AHR: variants seen among roughly 807,000 people sequenced by gnomAD.
AHR encodes AH-receptor.
In AHR, 40 loss-of-function variants were observed where a neutral mutation model predicts 86.8. That is an observed-to-expected ratio of 0.46 (90% CI 0.36 to 0.60). AHR has a LOEUF of 0.60. AHR is among the 20% of genes least tolerant of loss of function. The probability of loss-of-function intolerance (pLI) is 0.00; values close to 1 mark genes in which losing one functional copy is unlikely to be tolerated. For synonymous variants in AHR, 398 were observed against 354.9 expected, an observed-to-expected ratio of 1.12 and a Z score of -1.37; for missense variants, 1,001 against 1,011.6, an observed-to-expected ratio of 0.99 and a Z score of 0.14.
intron 10 of AHR, among the ~76,000 whole-genome samples, chr7:17,342,036 G>GA (rs1360991780): frequency 6.6e-6 from 1 of 152,094 alleles, no homozygotes; most frequent in Non-Finnish European, 1.5e-5. Flanking sequence ...TTTTACTATA[G>GA]ATTTTATATA....
chr7:17,306,075 G>A (rs1265414729), intron 1 of AHR, among the ~76,000 whole-genome samples: 4 of 152,030 alleles, frequency 2.6e-5, no homozygotes, highest in African/African-American at 4.8e-5. Flanking sequence ...AACATCATAC[G>A]GTCTATTTCA....
chr7:17,340,983 A>T (rs1782417749), intron 10 of AHR, among the ~76,000 whole-genome samples: 1 of 152,198 alleles, frequency 6.6e-6, no homozygotes, highest in Non-Finnish European at 1.5e-5. Flanking sequence ...CACTTAAAAA[A>T]AAAAAGTTAA....
rs778166955 is a variant in AHR at position 17,340,106 on chromosome 7, C to T, written c.2281C>T (p.Pro761Ser). 1 of 1,614,188 alleles carries T rather than the reference C, an allele frequency of 6.2e-7. No homozygotes were observed. Among genetic ancestry groups the T allele is most frequent in the East Asian group, 2.2e-5 (1 of 44,882 alleles). The change falls in exon 10 of 11, where the codon CCT (proline) becomes TCT (serine). Residue 761 changes from proline (P) to serine (S), a missense_variant. This residue lies in a region of AHR where 607 missense variants were observed against 543.1 expected (regional missense o/e 1.12). Transcript: ENST00000242057. ...AAATCCACAGTCAGCCATAATAACT[C>T]CTCAGACATGTTATGCTGGGGCCGT... Reference protein sequence around the residue: ...GLNPQSAIITPQTCYAGAVSM... With the variant: ...GLNPQSAIITSQTCYAGAVSM...
chr7:17,339,994 T>C lies in AHR; in HGVS notation c.2169T>C (p.Ser723=). ...KCTELDYPMG[S]FEPSPYPTTS... ...CAGAGCTGGACTACCCTATGGGGAGTTTTGAACCATCCCCATACCCCACTA... is the reference window on the plus strand; with the variant it reads ...CAGAGCTGGACTACCCTATGGGGAGCTTTGAACCATCCCCATACCCCACTA... The change falls in exon 10 of 11, where the codon AGT becomes AGC. Residue 723 remains serine (S), a synonymous_variant. Coordinates refer to ENST00000242057, the MANE Select transcript of AHR (RefSeq NM_001621.5). The C allele has an allele frequency of 6.2e-7, 1 of 1,614,042 alleles. No homozygotes were observed. Among genetic ancestry groups the C allele is most frequent in the Non-Finnish European group, 8.5e-7 (1 of 1,179,988 alleles).
chr7:17,339,847 C>G lies in AHR; in HGVS notation c.2022C>G (p.Val674=). 3.1e-6 allele frequency: 5 copies of G among 1,614,208 alleles called. No individual in the cohort carries two copies. The highest frequency in any genetic ancestry group is 4.2e-6 in the Non-Finnish European group (5 of 1,180,020). The change falls in exon 10 of 11, where the codon GTC becomes GTG. Residue 674 remains valine, a synonymous_variant. Coordinates refer to ENST00000242057, the MANE Select transcript of AHR (RefSeq NM_001621.5). ...AGCAAGACCCACAACAATATAATGT[C>G]TTTACAGACTTACATGGGATCAGTC... is the stretch of plus-strand genomic sequence containing the variant. ...CPQQDPQQYN[V]FTDLHGISQE...
chr7:17,311,106 T>C (rs1206065733), intron 2 of AHR, among the ~76,000 whole-genome samples: 1 of 152,248 alleles, frequency 6.6e-6, no homozygotes, highest in Non-Finnish European at 1.5e-5. Flanking sequence ...GCAAATGATG[T>C]TTCAGTGTAT....
At chr7:17,324,063 C>T (rs556925344) in intron 3 of AHR, among the ~76,000 whole-genome samples, 2 of 152,188 alleles carry the variant, frequency 1.3e-5, no homozygotes, top group Non-Finnish European at 2.9e-5. Flanking sequence ...TGTACATACC[C>T]TATGTCAGGG....
chr7:17,299,420 C>T (rs1781930872), intron 1 of AHR, 91 bp downstream of exon 1: 3 of 1,414,266 alleles, frequency 2.1e-6, no homozygotes, highest in East Asian at 2.6e-5. Flanking sequence ...CAAATCCCTG[C>T]GATCCTGGGA....
rs1217628504 is a variant in AHR at position 17,299,315 on chromosome 7, G to A, written c.51G>A (p.Lys17=). The A allele has an allele frequency of 1.2e-6, 2 of 1,612,874 alleles. No homozygotes were observed. Among genetic ancestry groups the A allele is most frequent in the South Asian group, 1.1e-5 (1 of 91,070 alleles). The change falls in exon 1 of 11, where the codon AAG becomes AAA. Residue 17 remains lysine, a synonymous_variant. Transcript: ENST00000242057. ...NITYASRKRR[K]PVQKTVKPIP... is the part of the protein sequence containing the mutation. Reference sequence around the variant, plus strand: ...CCTACGCCAGTCGCAAGCGGCGGAAGCCGGTGCAGAAAACGTGAGTGTCCC... The same window carrying A: ...CCTACGCCAGTCGCAAGCGGCGGAAACCGGTGCAGAAAACGTGAGTGTCCC...
In AHR at chr7:17,333,973, G is replaced by T; in HGVS notation, c.767G>T (p.Gly256Val). The change falls in exon 7 of 11, where the codon GGA becomes GTA. Residue 256 changes from glycine to valine, a missense_variant. By Grantham distance (109) the Gly-to-Val change is moderately radical (BLOSUM62 -3). Transcript: ENST00000242057. ...GGACAGAAAAAGAAAGGGAAAGATG[G>T]ATCAATACTTCCACCTCAGTTGGCT... Reference protein sequence around the residue: ...LHGQKKKGKDGSILPPQLALF... With the variant: ...LHGQKKKGKDVSILPPQLALF... 17 of 1,613,498 alleles carry T rather than the reference G, an allele frequency of 1.1e-5. No homozygotes were observed. The highest frequency in any genetic ancestry group is 1.4e-5 in the Non-Finnish European group (17 of 1,179,546).
In AHR at chr7:17,339,739, G is replaced by C. The variant is rs765822318; in HGVS notation, c.1914G>C (p.Leu638=). Residue 638 remains leucine (L), a synonymous_variant, in exon 10 of 11, where the codon CTG becomes CTC. Coordinates refer to ENST00000242057, the MANE Select transcript of AHR (RefSeq NM_001621.5). ...KQVVVEPQQQ[L]CQKMKHMQVN... The stretch of plus-strand genomic sequence containing the variant: ...TAGTAGTGGAGCCACAGCAACAGCT[G>C]TGTCAGAAGATGAAGCACATGCAAG... 1.2e-6 allele frequency: 2 copies of C among 1,614,086 alleles called. No homozygotes were observed. The highest frequency in any genetic ancestry group is 1.7e-6 in the Non-Finnish European group (2 of 1,180,052).
At chr7:17,330,446 A>T (rs73079680) in intron 5 of AHR, among the ~76,000 whole-genome samples, 11 of 152,122 alleles carry the variant, frequency 7.2e-5, no homozygotes, top group Admixed American at 2.0e-4. Flanking sequence ...AAGTATAAAA[A>T]TGCTTTTCTC....
rs1276194898 is a variant in AHR at position 17,330,061 on chromosome 7, G to A, written c.560G>A (p.Gly187Glu). The change falls in exon 5 of 11, where the codon GGA becomes GAA. Residue 187 changes from glycine to glutamate, a missense_variant. Physicochemically the swap from Gly to Glu is moderately conservative, Grantham distance 98. This residue lies in a region of AHR where 394 missense variants were observed against 468.5 expected (regional missense o/e 0.84). Transcript: ENST00000242057. ...AATCCTTCTCAGTGTACAGAGTCTG[G>A]ACAAGGAATTGAAGGTAAGAATTGA... Reference protein sequence around the residue: ...ALNPSQCTESGQGIEEATGLP... With the variant: ...ALNPSQCTESEQGIEEATGLP... 3 of 1,608,602 alleles carry A rather than the reference G, an allele frequency of 1.9e-6. No individual in the cohort carries two copies. In the Admixed American group the frequency reaches 5.1e-5, roughly 27 times the overall value.
intron 2 of AHR, among the ~76,000 whole-genome samples, chr7:17,316,895 T>G (rs563565367): frequency 6.6e-6 from 1 of 152,258 alleles, no homozygotes; most frequent in East Asian, 1.9e-4. Flanking sequence ...TAACGAATCT[T>G]GTGTTTTTTG....
intron 9 of AHR, 111 bp downstream of exon 9, chr7:17,335,897 A>G (rs1401960848): frequency 3.5e-6 from 4 of 1,154,572 alleles, no homozygotes; most frequent in Non-Finnish European, 4.9e-6. Context: ...AAAATTGAAA[A>G]GTTTAATTCA....
Position 17,339,982 on chromosome 7 carries a change from C to G in AHR, c.2157C>G (p.Tyr719Ter). Residue 719 changes from tyrosine (Y) to a stop codon, truncating the protein, a stop_gained, in exon 10 of 11, where the codon TAC becomes TAG. Transcript: ENST00000242057. LOFTEE classifies it high-confidence loss of function. ...ATTCCAAATGTACAGAGCTGGACTA[C>G]CCTATGGGGAGTTTTGAACCATCCC... ...PQHSKCTELD[Y>*]PMGSFEPSPY... 4 of 1,614,170 alleles carry G rather than the reference C, an allele frequency of 2.5e-6. No individual in the cohort carries two copies. The highest frequency in any genetic ancestry group is 3.4e-6 in the Non-Finnish European group (4 of 1,180,020).
At chr7:17,342,827 G>C (rs1209589278) in intron 10 of AHR, 94 bp from the exon 11 acceptor site, 110 of 1,249,218 alleles carry the variant, frequency 8.8e-5, no homozygotes, top group Non-Finnish European at 1.1e-4. Context: ...ACTCTCAGGG[G>C]TAAGATTTTA....
At position 17,343,241 on chromosome 7, in the gene AHR, A is replaced by G. The variant is rs1208860871; in HGVS notation, c.*177A>G. 1 of 739,844 alleles carries G rather than the reference A, an allele frequency of 1.4e-6. No individual in the cohort carries two copies. The highest frequency in any genetic ancestry group is 2.2e-6 in the Non-Finnish European group (1 of 448,494). 45.8% of individuals were successfully genotyped at this position (739,844 alleles called of 1,614,324 possible). A position where few individuals can be genotyped will look rare whatever the true frequency, so the allele number is the denominator to read the frequency against. On this transcript the variant is annotated 3_prime_UTR_variant, in exon 11 of 11. Coordinates refer to ENST00000242057, the MANE Select transcript of AHR (RefSeq NM_001621.5). ...TGCTTTTAGAAAAGGGAGTTTAAAA[A>G]TGGTATCAAAATTACATATACTACA...
intron 1 of AHR, among the ~76,000 whole-genome samples, chr7:17,305,763 A>G (rs1375967023): frequency 6.6e-6 from 1 of 152,224 alleles, no homozygotes; most frequent in African/African-American, 2.4e-5. Context: ...TATATAAAAC[A>G]GTTATATTTA....
Sources: allele counts gnomAD v4.1 joint callset (sites outside exome capture counted in the v4.1 genomes callset), GRCh38; gene constraint gnomAD v4.1.1; regional missense constraint gnomAD v4.1.1; transcripts MANE v1.5; gene names NCBI Gene and HGNC (gene_info 2026-07-23, HGNC 2026-07-21).